CHSY3: variants seen among roughly 807,000 people sequenced by gnomAD.
CHSY3 encodes chondroitin sulfate synthase 3, also known as N-acetylgalactosaminyl-proteoglycan 3-beta-glucuronosyltransferase 3.
Under a neutral mutation model 67.2 loss-of-function variants are expected in CHSY3, and 35 were observed. The ratio of observed to expected loss-of-function variants is 0.52; its 90% CI spans 0.40 to 0.69. CHSY3 has a LOEUF of 0.69. Ranked by LOEUF, CHSY3 falls within the 30% of genes least tolerant of loss-of-function variation. The pLI, the probability that CHSY3 is intolerant of heterozygous loss-of-function variation, is 0.00. For missense variants in CHSY3, 1,069 were observed against 1,138.5 expected (o/e 0.94, Z 0.88); for synonymous variants, 474 against 434.7 (o/e 1.09, Z -1.12).
intron 2 of CHSY3, among the ~76,000 whole-genome samples, chr5:129,981,276 A>G (rs1043858502): frequency 5.3e-5 from 8 of 151,622 alleles, no homozygotes; most frequent in African/African-American, 1.7e-4. Context: ...TCTGAGCTTT[A>G]TTTTGTGTTT....
chr5:130,055,458 A>G (rs926052159), intron 2 of CHSY3, among the ~76,000 whole-genome samples: 4 of 152,158 alleles, frequency 2.6e-5, no homozygotes, highest in African/African-American at 9.6e-5. Context: ...ATTGTGAAAC[A>G]AGAGTTGGAA....
chr5:130,141,643 G>T (rs768085216), intron 2 of CHSY3: 3 of 523,922 alleles, frequency 5.7e-6, no homozygotes, highest in Non-Finnish European at 1.1e-5. Flanking sequence ...CAAGAATTCA[G>T]TTGAAAGCTA....
chr5:129,965,000 G>A (rs575127098), intron 2 of CHSY3, among the ~76,000 whole-genome samples: 2 of 152,036 alleles, frequency 1.3e-5, no homozygotes, highest in Admixed American at 1.3e-4. Context: ...AACTTTTCAT[G>A]TTGACCAATT....
chr5:129,917,834 G>A (rs548405042), intron 2 of CHSY3, among the ~76,000 whole-genome samples: 30 of 152,210 alleles, frequency 2.0e-4, no homozygotes, highest in African/African-American at 7.0e-4. Flanking sequence ...CCCTTCATCC[G>A]TTATGTCAAA....
At chr5:130,157,220 G>A (rs1769396982) in intron 2 of CHSY3, among the ~76,000 whole-genome samples, 1 of 152,178 alleles carries the variant, frequency 6.6e-6, no homozygotes, top group South Asian at 2.1e-4. Flanking sequence ...TGTTAGTTAA[G>A]GGAATAATGA....
Position 129,920,507 on chromosome 5 carries a change from G to A in CHSY3, c.1086+12147G>A, listed in dbSNP as rs1046286711. 5.9e-5 allele frequency among the ~76,000 whole-genome samples: 9 copies of A among 152,274 alleles called. 1 individual carries two copies. The highest frequency in any genetic ancestry group is 4.6e-4 in the Admixed American group (7 of 15,302). On this transcript the variant is annotated intron_variant, in intron 2 of 2. Transcript: ENST00000305031. ...GATCCACCCACCTTGGCCTCTCAAA[G>A]TGCTGGGATTACAGGTGTGAGCTAC... is the stretch of plus-strand genomic sequence containing the variant.
chr5:130,134,235 T>C (rs535297384), intron 2 of CHSY3, among the ~76,000 whole-genome samples: 35 of 152,304 alleles, frequency 2.3e-4, no homozygotes, highest in African/African-American at 8.2e-4. Context: ...TACACTGGTA[T>C]GTGTGGTGAT....
chr5:129,911,981 G>A (rs534141091), intron 2 of CHSY3, among the ~76,000 whole-genome samples: 6 of 152,176 alleles, frequency 3.9e-5, no homozygotes, highest in Admixed American at 2.6e-4. Context: ...GCGTGAACCC[G>A]GGAGGCGGAG....
intron 2 of CHSY3, among the ~76,000 whole-genome samples, chr5:130,177,949 T>C (rs1770105602): frequency 6.6e-6 from 1 of 151,900 alleles, no homozygotes; most frequent in African/African-American, 2.4e-5. Flanking sequence ...TTTCTTTTTT[T>C]GTCTTTTTGC....
intron 2 of CHSY3, among the ~76,000 whole-genome samples, chr5:130,168,315 C>G (rs138901074): frequency 2.0e-5 from 3 of 152,194 alleles, no homozygotes; most frequent in African/African-American, 7.2e-5. Flanking sequence ...AGTTTAGACT[C>G]CTACAGTCGT....
chr5:130,121,989 A>G (rs980745969), intron 2 of CHSY3, among the ~76,000 whole-genome samples: 6 of 152,090 alleles, frequency 3.9e-5, no homozygotes, highest in African/African-American at 1.4e-4. Context: ...CTATTTATTG[A>G]GTGCTTACTT....
Position 130,184,959 on chromosome 5 carries a change from C to A in CHSY3, c.1817C>A (p.Ser606Tyr). The A allele has an allele frequency of 6.4e-7, 1 of 1,566,770 alleles. No homozygotes were observed. The highest frequency in any genetic ancestry group is 8.8e-7 in the Non-Finnish European group (1 of 1,137,260). Residue 606 changes from serine to tyrosine, a missense_variant, in exon 3 of 3, where the codon TCT (serine) becomes TAT (tyrosine). Transcript: ENST00000305031. ...FISNSLKILSSFQGAKEMGGH... is the reference protein window; with the variant it reads ...FISNSLKILSYFQGAKEMGGH... ...TCTAATTCTTTAAAGATATTATCTT[C>A]TTTTCAAGGTGCCAAAGAAATGGGA...
intron 2 of CHSY3, among the ~76,000 whole-genome samples, chr5:129,932,140 A>ATATATATATATATATATG (rs1183646627): frequency 5.1e-5 from 7 of 136,342 alleles, no homozygotes; most frequent in African/African-American, 2.1e-4. Flanking sequence ...ATATATATAT[A>ATATATATATATATATATG]TATGTATATG....
intron 2 of CHSY3, among the ~76,000 whole-genome samples, chr5:130,103,745 G>C (rs1406459921): frequency 6.6e-6 from 1 of 151,938 alleles, no homozygotes; most frequent in Non-Finnish European, 1.5e-5. Flanking sequence ...TTATATATAA[G>C]TTTACCTGAG....
intron 2 of CHSY3, among the ~76,000 whole-genome samples, chr5:130,116,827 C>T (rs1373307868): frequency 6.6e-6 from 1 of 151,214 alleles, no homozygotes; most frequent in Non-Finnish European, 1.5e-5. Context: ...ACAAATTCTC[C>T]TGAAGTGAAA....
intron 2 of CHSY3, among the ~76,000 whole-genome samples, chr5:129,918,129 A>T (rs1760792715): frequency 1.3e-5 from 2 of 152,158 alleles, no homozygotes; most frequent in African/African-American, 4.8e-5. Context: ...TTAAGCCATC[A>T]CTGACAACTC....
chr5:130,110,770 C>T (rs1475756848), intron 2 of CHSY3, among the ~76,000 whole-genome samples: 1 of 151,702 alleles, frequency 6.6e-6, no homozygotes, highest in Admixed American at 6.6e-5. Context: ...ATAAACTGTG[C>T]AGCATTATAA....
intron 2 of CHSY3, among the ~76,000 whole-genome samples, chr5:130,084,117 T>C (rs1766532617): frequency 6.6e-6 from 1 of 152,036 alleles, no homozygotes; most frequent in South Asian, 2.1e-4. Context: ...TCTCCTTAGG[T>C]AATTCATATT....
At chr5:130,054,966 G>A (rs1214463025) in intron 2 of CHSY3, among the ~76,000 whole-genome samples, 2 of 152,068 alleles carry the variant, frequency 1.3e-5, no homozygotes, top group Non-Finnish European at 1.5e-5. Context: ...GAGGATGGTG[G>A]TGGAAAATCA....
Sources: gnomAD v4.1 joint callset for allele counts (sites outside exome capture counted in the v4.1 genomes callset) on GRCh38, gnomAD v4.1.1 for gene constraint, MANE v1.5 for transcripts, NCBI Gene and HGNC (gene_info 2026-07-23, HGNC 2026-07-21) for gene names.